The following NRXN3 variants were observed in gnomAD, a reference collection of about 807,000 sequenced individuals.
The protein encoded by NRXN3 is neurexin III.
A neutral mutation model predicts 137.6 loss-of-function variants in NRXN3; 32 were observed. That is an observed-to-expected ratio of 0.23 (90% confidence interval 0.18 to 0.31). NRXN3 has a LOEUF of 0.31. Among genes scored for constraint, NRXN3 ranks in the 10% least tolerant of loss-of-function variants. The pLI is 1.00. For synonymous variants in NRXN3, 798 were observed against 784.5 expected (o/e 1.02, Z -0.29); for missense variants, 1,574 against 2,062.5 (o/e 0.76, Z 4.59).
chr14:79,374,296 AC>A (rs2094197158), intron 15 of NRXN3, among the ~76,000 whole-genome samples: 1 of 152,102 alleles, frequency 6.6e-6, no homozygotes, highest in Admixed American at 6.5e-5. Context: ...AGACTGAAGA[AC>A]TGAGTTCGTG....
At chr14:78,614,963 G>A (rs1248552497) in intron 4 of NRXN3, 2 of 456,490 alleles carry the variant, frequency 4.4e-6, no homozygotes, top group Non-Finnish European at 8.8e-6. Context: ...GCCGTGGGAT[G>A]GTGTTAGGCC....
At chr14:79,390,209 C>G (rs369590004) in intron 15 of NRXN3, among the ~76,000 whole-genome samples, 1 of 149,612 alleles carries the variant, frequency 6.7e-6, no homozygotes, top group African/African-American at 2.5e-5. Flanking sequence ...CCCAGCTACT[C>G]GGGAGGCTGA....
At chr14:78,280,192 C>G (rs1215318504) in intron 3 of NRXN3, among the ~76,000 whole-genome samples, 1 of 152,108 alleles carries the variant, frequency 6.6e-6, no homozygotes, top group South Asian at 2.1e-4. Flanking sequence ...CCTCATGGAC[C>G]TTTTATTTTA....
At chr14:79,705,010 T>A (rs1195899975) in intron 19 of NRXN3, among the ~76,000 whole-genome samples, 2 of 152,164 alleles carry the variant, frequency 1.3e-5, no homozygotes, top group African/African-American at 4.8e-5. Flanking sequence ...TTTCCAAAAC[T>A]AGGTCTAGTC....
At chr14:79,576,335 G>C (rs542359837) in intron 16 of NRXN3, among the ~76,000 whole-genome samples, 12 of 152,214 alleles carry the variant, frequency 7.9e-5, no homozygotes, top group Admixed American at 6.5e-4. Flanking sequence ...CAAATAGAAA[G>C]AGAGAAATCA....
intron 15 of NRXN3, among the ~76,000 whole-genome samples, chr14:79,050,662 AT>A (rs2099640537): frequency 6.6e-6 from 1 of 152,172 alleles, no homozygotes; most frequent in Admixed American, 6.5e-5. Context: ...TAGCTCAGTC[AT>A]TTTGCCATTG....
At chr14:78,438,846 G>A (rs545300273) in intron 4 of NRXN3, among the ~76,000 whole-genome samples, 1 of 151,982 alleles carries the variant, frequency 6.6e-6, no homozygotes, top group African/African-American at 2.4e-5. Context: ...TTCAATGAGA[G>A]GGTTGTCAGC....
rs1437546870 is a variant in NRXN3 at position 78,257,234 on chromosome 14, G to A, written c.709+13432G>A. 3.3e-5 allele frequency among the ~76,000 whole-genome samples: 5 copies of A among 152,226 alleles called. No individual in the cohort carries two copies. In the East Asian group the frequency reaches 5.8e-4, roughly 18 times the overall value. On this transcript the variant is annotated intron_variant, in intron 2 of 20. Coordinates refer to ENST00000335750, the MANE Select transcript of NRXN3 (RefSeq NM_001330195.2). ...TGAACTATCTCCAAGCTTTTGCAAA[G>A]CAATCCTTGAAGTATAATCATCTAC...
At chr14:79,838,040 T>A (rs548475986) in intron 20 of NRXN3, among the ~76,000 whole-genome samples, 1 of 152,274 alleles carries the variant, frequency 6.6e-6, no homozygotes, top group Admixed American at 6.5e-5. Flanking sequence ...GTGTTCCTAG[T>A]GAGTTGCTTA....
chr14:79,424,822 T>G (rs368630647), intron 15 of NRXN3, among the ~76,000 whole-genome samples: 2 of 152,202 alleles, frequency 1.3e-5, no homozygotes, highest in African/African-American at 4.8e-5. Flanking sequence ...GGCGATACTT[T>G]GCTTTTGGAA....
At chr14:78,984,503 A>C (rs944502300) in intron 14 of NRXN3, among the ~76,000 whole-genome samples, 1 of 152,208 alleles carries the variant, frequency 6.6e-6, no homozygotes, top group African/African-American at 2.4e-5. Flanking sequence ...TGAAACTCAA[A>C]GAATAAAAAT....
At chr14:79,452,892 GT>G (rs773418091) in intron 15 of NRXN3, among the ~76,000 whole-genome samples, 21 of 152,204 alleles carry the variant, frequency 1.4e-4, no homozygotes, top group Admixed American at 5.9e-4. Context: ...TAGGAAATCA[GT>G]TTTTAAAAGT....
chr14:78,592,916 C>T (rs774329835), intron 4 of NRXN3, among the ~76,000 whole-genome samples: 2 of 152,210 alleles, frequency 1.3e-5, no homozygotes, highest in Admixed American at 1.3e-4. Context: ...GCAGGGGATG[C>T]TCTGTTGGCT....
intron 17 of NRXN3, among the ~76,000 whole-genome samples, chr14:79,683,033 G>C (rs2098678495): frequency 6.6e-6 from 1 of 152,116 alleles, no homozygotes; most frequent in Non-Finnish European, 1.5e-5. Context: ...AATGGTAATA[G>C]AGTTCTTCAA....
intron 3 of NRXN3, among the ~76,000 whole-genome samples, chr14:78,282,758 G>T (rs1217080984): frequency 6.6e-6 from 1 of 152,200 alleles, no homozygotes; most frequent in African/African-American, 2.4e-5. Flanking sequence ...GAGGGGACCT[G>T]ATTATGTGTC....
At chr14:79,327,598 C>T (rs1460894784) in intron 15 of NRXN3, among the ~76,000 whole-genome samples, 1 of 152,194 alleles carries the variant, frequency 6.6e-6, no homozygotes, top group Non-Finnish European at 1.5e-5. Context: ...TCTTCCCACC[C>T]TTCTCCTCAG....
chr14:78,522,070 T>G (rs761471048), intron 4 of NRXN3, among the ~76,000 whole-genome samples: 40 of 152,334 alleles, frequency 2.6e-4, no homozygotes, highest in Middle Eastern at 3.4e-3. Context: ...GCATTTCTTA[T>G]CTGGCTGGTA....
intron 15 of NRXN3, among the ~76,000 whole-genome samples, chr14:79,106,442 AG>A (rs141219865): frequency 0.016 from 2,433 of 152,184 alleles, 52 homozygotes; most frequent in African/African-American, 0.055. Flanking sequence ...TGATTCCTGT[AG>A]GAAGACACTG....
intron 17 of NRXN3, among the ~76,000 whole-genome samples, chr14:79,668,063 A>G (rs898069301): frequency 6.6e-6 from 1 of 151,930 alleles, no homozygotes; most frequent in African/African-American, 2.4e-5. Flanking sequence ...GGGCATACCA[A>G]CTCAGTTCAA....
Sources: gnomAD v4.1 joint callset for allele counts (sites outside exome capture counted in the v4.1 genomes callset) on GRCh38, gnomAD v4.1.1 for gene constraint, MANE v1.5 for transcripts, NCBI Gene and HGNC (gene_info 2026-07-23, HGNC 2026-07-21) for gene names.